The following AKAP11 variants were observed in gnomAD, a reference collection of about 807,000 sequenced individuals.
AKAP11 encodes A-kinase anchoring protein 11.
Under a neutral mutation model 146.1 loss-of-function variants are expected in AKAP11, and 36 were observed. The observed-to-expected ratio is 0.25, with a 90% CI of 0.19 to 0.33. The LOEUF is 0.33. Among genes scored for constraint, AKAP11 ranks in the 10% least tolerant of loss-of-function variants. The pLI is 1.00. For missense variants in AKAP11, 2,201 were observed against 2,197.0 expected, an observed-to-expected ratio of 1.00 and a Z score of -0.04; for synonymous variants, 780 against 786.5, an observed-to-expected ratio of 0.99 and a Z score of 0.14.
At chr13:42,286,096 C>T in intron 2 of AKAP11, 61 bp downstream of exon 2, 1 of 254,476 alleles carries the variant, frequency 3.9e-6, no homozygotes, top group Non-Finnish European at 7.4e-6. Flanking sequence ...TAATAATTTT[C>T]TATCTCATTA....
intron 1 of AKAP11, among the ~76,000 whole-genome samples, chr13:42,275,709 T>A (rs1440445112): frequency 6.6e-6 from 1 of 152,206 alleles, no homozygotes; most frequent in Non-Finnish European, 1.5e-5. Context: ...GGCAAATTAC[T>A]GAAATGCTTG....
At chr13:42,275,707 A>G (rs1217528780) in intron 1 of AKAP11, among the ~76,000 whole-genome samples, 1 of 152,192 alleles carries the variant, frequency 6.6e-6, no homozygotes, top group African/African-American at 2.4e-5. Context: ...CAGGCAAATT[A>G]CTGAAATGCT....
At chr13:42,313,235 T>G (rs954611789) in intron 10 of AKAP11, 105 bp downstream of exon 10, 1 of 754,428 alleles carries the variant, frequency 1.3e-6, no homozygotes, top group African/African-American at 1.8e-5. Context: ...TGTATCAACC[T>G]GCTTTTCTCC....
At chr13:42,285,282 A>C (rs1049939743) in intron 1 of AKAP11, among the ~76,000 whole-genome samples, 1 of 152,204 alleles carries the variant, frequency 6.6e-6, no homozygotes, top group Non-Finnish European at 1.5e-5. Context: ...GGGCTCAAGC[A>C]GTCCTCCCAC....
chr13:42,312,719 T>A (rs1455309917), intron 9 of AKAP11, among the ~76,000 whole-genome samples: 1 of 152,206 alleles, frequency 6.6e-6, no homozygotes, highest in African/African-American at 2.4e-5. Context: ...TAGTTCAAGA[T>A]TGGTCCTAAG....
intron 3 of AKAP11, among the ~76,000 whole-genome samples, chr13:42,289,818 A>G (rs373629199): frequency 3.9e-5 from 6 of 152,184 alleles, no homozygotes; most frequent in African/African-American, 1.4e-4. Context: ...TAGTGTGAAA[A>G]TCCCCGTTTA....
Position 42,322,772 on chromosome 13 carries a change from T to C in AKAP11, c.*3544T>C, listed in dbSNP as rs1194226332. On this transcript the variant is annotated 3_prime_UTR_variant, in exon 13 of 13. Coordinates refer to ENST00000025301, the MANE Select transcript of AKAP11 (RefSeq NM_016248.4). ...AGTCACTCTTGTCACTTTATTTATTTATTGGTTTTTTTTTAACCATCTGTG... is the reference window on the plus strand; with the variant it reads ...AGTCACTCTTGTCACTTTATTTATTCATTGGTTTTTTTTTAACCATCTGTG... The C allele has an allele frequency of 6.5e-6, 1 of 152,716 alleles. No homozygotes were observed. Among genetic ancestry groups the C allele is most frequent in the Admixed American group, 6.5e-5 (1 of 15,282 alleles). The allele number at this position is 152,716 out of a possible 1,614,324, so 9.5% of individuals were successfully genotyped here.
intron 4 of AKAP11, 58 bp from the exon 5 acceptor site, chr13:42,295,637 A>C (rs555603857): frequency 6.6e-7 from 1 of 1,506,128 alleles, no homozygotes; most frequent in African/African-American, 1.4e-5. Flanking sequence ...CAGCTCTGTC[A>C]CCAGCCTGAA....
At chr13:42,318,923 G>T (rs1288018555) in intron 12 of AKAP11, among the ~76,000 whole-genome samples, 165 bp from the exon 13 acceptor site, 1 of 152,168 alleles carries the variant, frequency 6.6e-6, no homozygotes, top group South Asian at 2.1e-4. Context: ...GTTTAATTTG[G>T]GTAAAGGGGT....
At chr13:42,296,920 T>A in intron 5 of AKAP11, 128 bp from the exon 6 acceptor site, 1 of 647,112 alleles carries the variant, frequency 1.5e-6, no homozygotes, top group East Asian at 3.2e-5. Context: ...ACTGTATATG[T>A]TAACTATTAT....
chr13:42,319,046 A>T (rs957256930), intron 12 of AKAP11, 42 bp from the exon 13 acceptor site: 9 of 1,578,162 alleles, frequency 5.7e-6, no homozygotes, highest in Middle Eastern at 1.7e-4. Flanking sequence ...CTTTGTTATA[A>T]AATTGTTTTT....
intron 4 of AKAP11, among the ~76,000 whole-genome samples, chr13:42,293,831 A>G (rs974600559): frequency 2.0e-5 from 3 of 152,304 alleles, no homozygotes; most frequent in Non-Finnish European, 2.9e-5. Context: ...TGGAATTTCT[A>G]TTCCATTTTA....
Position 42,319,329 on chromosome 13 carries a change from A to G in AKAP11, c.*101A>G. 2 of 1,446,780 alleles carry G rather than the reference A, an allele frequency of 1.4e-6. No individual in the cohort carries two copies. Among genetic ancestry groups the G allele is most frequent in the Non-Finnish European group, 1.8e-6 (2 of 1,084,336 alleles). The allele number at this position is 1,446,780 out of a possible 1,614,324, so 89.6% of individuals were successfully genotyped here. A position where few individuals can be genotyped will look rare whatever the true frequency, so the allele number is the denominator to read the frequency against. On this transcript the variant is annotated 3_prime_UTR_variant, in exon 13 of 13. Coordinates refer to ENST00000025301, the MANE Select transcript of AKAP11 (RefSeq NM_016248.4). ...TTTGAATAGTGAATATTAACATCGT[A>G]AGTCAGTTGGGAGGCAAGTAAATAT...
chr13:42,302,572 A>C lies in AKAP11; in HGVS notation c.3826A>C (p.Lys1276Gln). The C allele has an allele frequency of 6.2e-7, 1 of 1,614,164 alleles. No individual in the cohort carries two copies. The highest frequency in any genetic ancestry group is 8.5e-7 in the Non-Finnish European group (1 of 1,180,026). The change falls in exon 8 of 13, where the codon AAA (lysine) becomes CAA (glutamine). Residue 1276 changes from lysine (K) to glutamine (Q), a missense_variant. Transcript: ENST00000025301. The stretch of plus-strand genomic sequence containing the variant: ...CATTACAGAAGCTGAGAAAATAGCA[A>C]AAGTCCGAAATTGTATGCTTTTCAA... ...EVITEAEKIAKVRNCMLFKQK... is the reference protein window; with the variant it reads ...EVITEAEKIAQVRNCMLFKQK...
Position 42,303,075 on chromosome 13 carries a change from C to G in AKAP11, c.4329C>G (p.Thr1443=). 6.2e-7 allele frequency: 1 copy of G among 1,612,934 alleles called. No homozygotes were observed. The highest frequency in any genetic ancestry group is 1.1e-5 in the South Asian group (1 of 91,028). ...YFCKNQTCER[T]LDPYRNEVSQ... is the part of the protein sequence containing the mutation. ...GTAAAAATCAAACTTGTGAAAGGACCCTGGATCCATATAGAAATGAGGTCT... is the reference window on the plus strand; with the variant it reads ...GTAAAAATCAAACTTGTGAAAGGACGCTGGATCCATATAGAAATGAGGTCT... The change falls in exon 8 of 13, where the codon ACC becomes ACG. Residue 1443 remains threonine (T), a synonymous_variant. Transcript: ENST00000025301.
At chr13:42,273,165 C>T (rs1048722540) in intron 1 of AKAP11, among the ~76,000 whole-genome samples, 2 of 152,158 alleles carry the variant, frequency 1.3e-5, no homozygotes, top group African/African-American at 4.8e-5. Context: ...TTTTGCTTAG[C>T]TGCTTCCCAC....
chr13:42,319,315 A>G lies in AKAP11; in HGVS notation c.*87A>G. 1 of 1,506,230 alleles carries G rather than the reference A, an allele frequency of 6.6e-7. No homozygotes were observed. The highest frequency in any genetic ancestry group is 8.9e-7 in the Non-Finnish European group (1 of 1,124,478). 93.3% of individuals were successfully genotyped at this position (1,506,230 alleles called of 1,614,324 possible). A position where few individuals can be genotyped will look rare whatever the true frequency, so the allele number is the denominator to read the frequency against. ...TGTTTAGGATAAAATTTGAATAGTG[A>G]ATATTAACATCGTAAGTCAGTTGGG... On this transcript the variant is annotated 3_prime_UTR_variant, in exon 13 of 13. Transcript: ENST00000025301.
At chr13:42,273,288 GTCA>G (rs1566249545) in intron 1 of AKAP11, among the ~76,000 whole-genome samples, 1 of 151,454 alleles carries the variant, frequency 6.6e-6, no homozygotes, top group African/African-American at 2.4e-5. Context: ...TTTTTTTAAT[GTCA>G]TCATTTTAGG....
intron 1 of AKAP11, among the ~76,000 whole-genome samples, chr13:42,278,254 G>A (rs1487692883): frequency 6.6e-6 from 1 of 152,144 alleles, no homozygotes; most frequent in Non-Finnish European, 1.5e-5. Flanking sequence ...TATCTTAATA[G>A]ATATTAAGAC....
Sources: allele counts gnomAD v4.1 joint callset (sites outside exome capture counted in the v4.1 genomes callset), GRCh38; gene constraint gnomAD v4.1.1; transcripts MANE v1.5; gene names NCBI Gene and HGNC (gene_info 2026-07-23, HGNC 2026-07-21).